The following TIPRL variants were observed in gnomAD, a reference collection of about 807,000 sequenced individuals.
TIPRL encodes the protein TOR signaling pathway regulator.
Under a neutral mutation model 32.3 loss-of-function variants are expected in TIPRL, and 10 were observed. That is an observed-to-expected ratio of 0.31 (90% confidence interval 0.19 to 0.52). The LOEUF (loss-of-function observed/expected upper bound fraction) is 0.52. Ranked by LOEUF, TIPRL falls within the 20% of genes least tolerant of loss-of-function variation. TIPRL has a pLI of 0.96. For synonymous variants in TIPRL, 100 were observed against 114.0 expected, an observed-to-expected ratio of 0.88 and a Z score of 0.78; for missense variants, 250 against 328.1, an observed-to-expected ratio of 0.76 and a Z score of 1.84.
chr1:168,183,497 T>C (rs897842983), intron 1 of TIPRL, among the ~76,000 whole-genome samples: 1 of 152,010 alleles, frequency 6.6e-6, no homozygotes, highest in Non-Finnish European at 1.5e-5. Flanking sequence ...CTTTTGCTTT[T>C]TTCATCACCA....
chr1:168,186,102 A>AAG (rs1558163011), intron 3 of TIPRL, among the ~76,000 whole-genome samples: 24 of 146,244 alleles, frequency 1.6e-4, no homozygotes, highest in East Asian at 6.0e-4. Context: ...AAAAAAAAAA[A>AAG]AGAGAGAGAT....
At chr1:168,192,181 T>C in intron 4 of TIPRL, 2 of 1,487,828 alleles carry the variant, frequency 1.3e-6, no homozygotes, top group Admixed American at 2.3e-5. Context: ...TTTCAGTGCA[T>C]CATTCAACTA....
At chr1:168,187,154 G>A (rs1482140225) in intron 3 of TIPRL, among the ~76,000 whole-genome samples, 2 of 152,206 alleles carry the variant, frequency 1.3e-5, no homozygotes, top group Admixed American at 6.5e-5. Context: ...AGTCTAATGG[G>A]AGAGCAAGGT....
At chr1:168,183,352 G>A (rs1441525553) in intron 1 of TIPRL, among the ~76,000 whole-genome samples, 1 of 147,068 alleles carries the variant, frequency 6.8e-6, no homozygotes, top group Non-Finnish European at 1.5e-5. Context: ...GGTCATAAGT[G>A]TGTAAATTAT....
At chr1:168,192,363 A>T (rs1038437108) in intron 4 of TIPRL, 5 of 1,004,714 alleles carry the variant, frequency 5.0e-6, no homozygotes, top group Non-Finnish European at 3.6e-6. Context: ...CAAAAAAAAA[A>T]AATAAAATAA....
intron 1 of TIPRL, among the ~76,000 whole-genome samples, chr1:168,181,011 C>G (rs1371362048): frequency 6.6e-6 from 1 of 151,560 alleles, no homozygotes; most frequent in Non-Finnish European, 1.5e-5. Flanking sequence ...GAGACAGAGA[C>G]TCACTCTGTC....
chr1:168,196,541 T>TTTC lies in TIPRL; in HGVS notation c.517-5_517-4insTCT. 6.6e-7 allele frequency: 1 copy of TTTC among 1,524,494 alleles called. No individual in the cohort carries two copies. The highest frequency in any genetic ancestry group is 8.8e-7 in the Non-Finnish European group (1 of 1,138,604). 94.4% of individuals were successfully genotyped at this position (1,524,494 alleles called of 1,614,324 possible). On this transcript the variant is annotated splice_region_variant and splice_polypyrimidine_tract_variant and intron_variant, in intron 4 of 6. Transcript: ENST00000367833. Reference sequence around the variant, plus strand: ...AATATTAATGTACCTTTTTTTTTTTTTCCAGAGAGTAATGCCTTCTAGCTT... The same window carrying TTTC: ...AATATTAATGTACCTTTTTTTTTTTTTTCTCCAGAGAGTAATGCCTTCTAGCTT...
chr1:168,185,695 G>A (rs1234053267), intron 3 of TIPRL, among the ~76,000 whole-genome samples: 18 of 151,330 alleles, frequency 1.2e-4, no homozygotes, highest in African/African-American at 1.2e-4. Flanking sequence ...GCTTGAACCC[G>A]GGAGGTGGAG....
chr1:168,191,387 C>T lies in TIPRL; in HGVS notation c.403C>T (p.His135Tyr). Residue 135 changes from histidine to tyrosine, a missense_variant, in exon 4 of 7, where the codon CAT becomes TAT. Coordinates refer to ENST00000367833, the MANE Select transcript of TIPRL (RefSeq NM_152902.5). ...CTTTCAGGTTGTACCTACAACAGAT[C>T]ATATAGATACAGAAAAATTGAAAGC... ...LKLKVVPTTD[H>Y]IDTEKLKARE... is the part of the protein sequence containing the mutation. The T allele has an allele frequency of 6.5e-7, 1 of 1,532,106 alleles. No individual in the cohort carries two copies. Among genetic ancestry groups the T allele is most frequent in the Non-Finnish European group, 8.7e-7 (1 of 1,152,404 alleles). The allele number at this position is 1,532,106 out of a possible 1,614,324, so 94.9% of individuals were successfully genotyped here.
chr1:168,192,694 C>G (rs1700113175), intron 4 of TIPRL, among the ~76,000 whole-genome samples: 1 of 152,086 alleles, frequency 6.6e-6, no homozygotes, highest in African/African-American at 2.4e-5. Context: ...GTCAGGAGAT[C>G]GAGACCATGG....
At chr1:168,198,569 CTT>C (rs1310154924) in intron 5 of TIPRL, among the ~76,000 whole-genome samples, 1 of 152,142 alleles carries the variant, frequency 6.6e-6, no homozygotes, top group Admixed American at 6.5e-5. Flanking sequence ...ATGTTTCAAA[CTT>C]GAAGTAATTT....
intron 4 of TIPRL, among the ~76,000 whole-genome samples, chr1:168,194,513 G>C (rs776589642): frequency 2.0e-5 from 3 of 152,032 alleles, no homozygotes; most frequent in African/African-American, 7.3e-5. Flanking sequence ...TGTGACTGTT[G>C]GTAACTAATT....
At chr1:168,193,384 C>G (rs1057318306) in intron 4 of TIPRL, among the ~76,000 whole-genome samples, 1 of 152,158 alleles carries the variant, frequency 6.6e-6, no homozygotes, top group Non-Finnish European at 1.5e-5. Flanking sequence ...TAATATATAT[C>G]ATTATTCTAG....
chr1:168,192,862 GGC>G (rs1419888693), intron 4 of TIPRL, among the ~76,000 whole-genome samples: 2 of 110,168 alleles, frequency 1.8e-5, no homozygotes, highest in African/African-American at 1.3e-4. Context: ...CTCCAGCCTG[GGC>G]AACAAGCGAG....
At chr1:168,192,363 AAAT>A in intron 4 of TIPRL, 16 of 1,004,660 alleles carry the variant, frequency 1.6e-5, no homozygotes, top group Admixed American at 5.3e-5. Context: ...CAAAAAAAAA[AAAT>A]AAAATAAAAT....
chr1:168,180,074 A>G (rs762803533), intron 1 of TIPRL, among the ~76,000 whole-genome samples: 9 of 152,172 alleles, frequency 5.9e-5, no homozygotes, highest in Non-Finnish European at 1.0e-4. Flanking sequence ...ATTTTATCCA[A>G]AGGAGCTGCA....
intron 5 of TIPRL, among the ~76,000 whole-genome samples, chr1:168,197,654 G>A (rs888971634): frequency 6.6e-6 from 1 of 151,890 alleles, no homozygotes; most frequent in African/African-American, 2.4e-5. Context: ...CTAGTAGCTG[G>A]GATTACAGGC....
At chr1:168,180,820 C>CTTTTTTTTTTTTTT (rs71118909) in intron 1 of TIPRL, among the ~76,000 whole-genome samples, 3 of 124,166 alleles carry the variant, frequency 2.4e-5, no homozygotes, top group Non-Finnish European at 3.3e-5. Flanking sequence ...TTTTTTATAA[C>CTTTTTTTTTTTTTT]TTTTTTTTTT....
At chr1:168,191,877 A>C (rs1413208445) in intron 4 of TIPRL, among the ~76,000 whole-genome samples, 1 of 151,650 alleles carries the variant, frequency 6.6e-6, no homozygotes, top group East Asian at 1.9e-4. Context: ...AAAAAAAAAA[A>C]AAAGAATAAC....
Sources: allele counts gnomAD v4.1 joint callset (sites outside exome capture counted in the v4.1 genomes callset), GRCh38; gene constraint gnomAD v4.1.1; transcripts MANE v1.5; gene names NCBI Gene and HGNC (gene_info 2026-07-23, HGNC 2026-07-21).